Variants in LRRTM4 observed in about 807,000 individuals in gnomAD.
LRRTM4 encodes leucine rich repeat transmembrane neuronal 4, also known as leucine-rich repeat transmembrane neuronal protein 4.
A neutral mutation model predicts 47.6 loss-of-function variants in LRRTM4; 25 were observed. The ratio of observed to expected loss-of-function variants is 0.53; its 90% CI spans 0.38 to 0.73. The LOEUF is 0.73. Among genes scored for constraint, LRRTM4 ranks in the 30% least tolerant of loss-of-function variants. LRRTM4 has a pLI of 0.00. For missense variants in LRRTM4, 638 were observed against 713.4 expected (o/e 0.89, Z 1.20); for synonymous variants, 311 against 269.5 (o/e 1.15, Z -1.51).
At chr2:77,043,115 T>C (rs181388238) in intron 3 of LRRTM4, among the ~76,000 whole-genome samples, 1 of 151,890 alleles carries the variant, frequency 6.6e-6, no homozygotes, top group African/African-American at 2.4e-5. Context: ...ATCTAACTGA[T>C]TTTCTCTTTC....
chr2:77,013,121 T>C (rs903935941), intron 3 of LRRTM4, among the ~76,000 whole-genome samples: 12 of 152,200 alleles, frequency 7.9e-5, no homozygotes, highest in African/African-American at 2.4e-4. Context: ...AGCTTTCCCA[T>C]TGAGATAGAT....
rs540167403 is a variant in LRRTM4 at position 77,186,984 on chromosome 2, G to A, written c.1551+331334C>T. On this transcript the variant is annotated intron_variant, in intron 3 of 3. Transcript: ENST00000409884. ...ACTAGGGCTAGATACTAATTCTTTTGGTGCCCTAGGACATGGATTTTTCCA... is the reference window on the plus strand; with the variant it reads ...ACTAGGGCTAGATACTAATTCTTTTAGTGCCCTAGGACATGGATTTTTCCA... 1.1e-3 allele frequency among the ~76,000 whole-genome samples: 165 copies of A among 152,194 alleles called. 1 individual carries two copies. The highest frequency in any genetic ancestry group is 3.8e-3 in the African/African-American group (157 of 41,550).
intron 3 of LRRTM4, among the ~76,000 whole-genome samples, chr2:76,991,982 T>A (rs1293615359): frequency 6.6e-6 from 1 of 151,848 alleles, no homozygotes; most frequent in African/African-American, 2.4e-5. Context: ...TGATTAAACA[T>A]GCACAAGTCA....
intron 3 of LRRTM4, among the ~76,000 whole-genome samples, chr2:77,174,791 C>A (rs1279721036): frequency 2.0e-5 from 3 of 151,854 alleles, no homozygotes; most frequent in Non-Finnish European, 4.4e-5. Flanking sequence ...TGCTATCCCT[C>A]CCCCCTCGCC....
At chr2:76,942,094 G>A (rs929545917) in intron 3 of LRRTM4, among the ~76,000 whole-genome samples, 2 of 152,196 alleles carry the variant, frequency 1.3e-5, no homozygotes, top group Middle Eastern at 3.4e-3. Context: ...TCTGTTTGTT[G>A]TCCACATAAA....
intron 3 of LRRTM4, among the ~76,000 whole-genome samples, chr2:76,974,229 T>TAC (rs1558771803): frequency 0.022 from 2,281 of 101,680 alleles, 60 homozygotes; most frequent in East Asian, 0.073. Context: ...TATACATACA[T>TAC]ATATATATAT....
intron 3 of LRRTM4, among the ~76,000 whole-genome samples, chr2:77,000,800 C>T (rs181374833): frequency 2.7e-3 from 399 of 147,332 alleles, no homozygotes; most frequent in Non-Finnish European, 4.8e-3. Context: ...CAGGAAGATT[C>T]CTTTTTTTCT....
At chr2:77,407,940 A>C (rs1213900412) in intron 3 of LRRTM4, among the ~76,000 whole-genome samples, 1 of 151,622 alleles carries the variant, frequency 6.6e-6, no homozygotes, top group Non-Finnish European at 1.5e-5. Context: ...AGAGGAAACA[A>C]ATCACAAATG....
At chr2:76,770,012 T>C (rs1471379209) in intron 3 of LRRTM4, among the ~76,000 whole-genome samples, 2 of 152,152 alleles carry the variant, frequency 1.3e-5, no homozygotes, top group Admixed American at 1.3e-4. Flanking sequence ...AGGAATCTGT[T>C]TGAGCAGGCC....
chr2:76,814,074 C>G (rs756237856), intron 3 of LRRTM4, among the ~76,000 whole-genome samples: 1 of 152,002 alleles, frequency 6.6e-6, no homozygotes, highest in Non-Finnish European at 1.5e-5. Flanking sequence ...TTGAGGAGTC[C>G]TGGTCAAGTA....
chr2:77,445,284 T>C (rs1214617938), intron 3 of LRRTM4, among the ~76,000 whole-genome samples: 3 of 151,904 alleles, frequency 2.0e-5, no homozygotes. Context: ...TAGTGGGAAT[T>C]ACATGAATCA....
chr2:77,192,396 A>G (rs938827611), intron 3 of LRRTM4, among the ~76,000 whole-genome samples: 4 of 152,034 alleles, frequency 2.6e-5, no homozygotes, highest in African/African-American at 9.7e-5. Context: ...TTACTTTCTC[A>G]TGAAACAACA....
intron 3 of LRRTM4, among the ~76,000 whole-genome samples, chr2:77,249,621 A>G (rs1573141412): frequency 6.6e-6 from 1 of 152,138 alleles, no homozygotes; most frequent in Non-Finnish European, 1.5e-5. Context: ...AGAAGATACC[A>G]CCACCTATCT....
At chr2:77,265,169 T>C (rs532941303) in intron 3 of LRRTM4, among the ~76,000 whole-genome samples, 1 of 152,258 alleles carries the variant, frequency 6.6e-6, no homozygotes, top group Admixed American at 6.5e-5. Flanking sequence ...TTTATCTATT[T>C]CCTACTTGTT....
chr2:76,847,241 C>T (rs759599815), intron 3 of LRRTM4, among the ~76,000 whole-genome samples: 11 of 152,118 alleles, frequency 7.2e-5, no homozygotes, highest in Non-Finnish European at 1.3e-4. Flanking sequence ...GCAACCCACT[C>T]CTAACACACA....
At chr2:77,124,853 G>A (rs962630692) in intron 3 of LRRTM4, among the ~76,000 whole-genome samples, 1 of 152,034 alleles carries the variant, frequency 6.6e-6, no homozygotes, top group Non-Finnish European at 1.5e-5. Flanking sequence ...ACATTGTGCT[G>A]ACTTTTCAAA....
At chr2:76,941,394 C>T (rs1473056266) in intron 3 of LRRTM4, among the ~76,000 whole-genome samples, 1 of 151,920 alleles carries the variant, frequency 6.6e-6, no homozygotes, top group Non-Finnish European at 1.5e-5. Context: ...ATACATGTGC[C>T]ATGGTGGTTT....
At chr2:76,869,458 C>A (rs753398133) in intron 3 of LRRTM4, among the ~76,000 whole-genome samples, 5 of 152,050 alleles carry the variant, frequency 3.3e-5, no homozygotes, top group Non-Finnish European at 7.4e-5. Flanking sequence ...CTGATAAATG[C>A]AGACTGGCAA....
At chr2:76,867,020 G>A (rs1332518397) in intron 3 of LRRTM4, among the ~76,000 whole-genome samples, 2 of 151,958 alleles carry the variant, frequency 1.3e-5, no homozygotes, top group African/African-American at 2.4e-5. Flanking sequence ...GTTGAACAAT[G>A]AGAATACATG....
Sources: allele counts gnomAD v4.1 joint callset (sites outside exome capture counted in the v4.1 genomes callset), GRCh38; gene constraint gnomAD v4.1.1; transcripts MANE v1.5; gene names NCBI Gene and HGNC (gene_info 2026-07-23, HGNC 2026-07-21).